The following USH2A variants were observed in gnomAD, a reference collection of about 807,000 sequenced individuals.
USH2A encodes usherin, also known as Usher syndrome 2A (autosomal recessive, mild).
Under a neutral mutation model 538.9 loss-of-function variants are expected in USH2A, and 443 were observed. The observed-to-expected ratio is 0.82, with a 90% CI of 0.76 to 0.89. The LOEUF is 0.89. USH2A is among the 40% of genes least tolerant of loss of function. The pLI, the probability that USH2A is intolerant of heterozygous loss-of-function variation, is 0.00. For synonymous variants in USH2A, 2,413 were observed against 2,273.5 expected, an observed-to-expected ratio of 1.06 and a Z score of -1.75; for missense variants, 6,633 against 6,324.8, an observed-to-expected ratio of 1.05 and a Z score of -1.65.
At position 216,198,229 on chromosome 1, in the gene USH2A, G is replaced by A. The variant is rs199809345; in HGVS notation, c.4081+86C>T. 3.8e-6 allele frequency: 6 copies of A among 1,586,472 alleles called. No homozygotes were observed. In the East Asian group the frequency reaches 6.8e-5, roughly 18 times the overall value. ...GTTTCTAATTCTTGCTTTTCAAAAT[G>A]TACTTTCACAGTACTTTGACTTTAA... On this transcript the variant is annotated intron_variant, in intron 18 of 71. Coordinates refer to ENST00000307340, the MANE Select transcript of USH2A (RefSeq NM_206933.4).
chr1:216,029,143 T>G (rs78892120), intron 32 of USH2A, among the ~76,000 whole-genome samples: 4,446 of 152,164 alleles, frequency 0.029, 205 homozygotes, highest in African/African-American at 0.1. Flanking sequence ...ATAGCCAAAA[T>G]GTACAGAAGA....
Position 216,421,914 on chromosome 1 carries a change from A to T in USH2A, c.423T>A (p.Ser141=), listed in dbSNP as rs201770382. 1.6e-5 allele frequency: 26 copies of T among 1,613,900 alleles called. No homozygotes were observed. The African/African-American group carries it at 1.9e-4, about 12-fold the overall frequency. ...NHKSCFSSPP[S]PKLMASFTLA... ...AGGTAAATGATGCCATCAGCTTTGG[A>T]GAAGGAGGAGAAGAAAAGCAGCTCT... Residue 141 remains serine, a synonymous_variant, in exon 2 of 72, where the codon TCT becomes TCA. Transcript: ENST00000307340.
chr1:215,766,918 T>C (rs931872622), intron 55 of USH2A, 130 bp from the exon 56 acceptor site: 9 of 893,590 alleles, frequency 1.0e-5, no homozygotes, highest in Admixed American at 4.0e-5. Context: ...TAAAACACTC[T>C]TTAAAGAAGG....
chr1:215,770,319 T>C lies in USH2A; in HGVS notation c.10940-3531A>G, dbSNP rs1172801768. Among the ~76,000 whole-genome samples the C allele has an allele frequency of 1.1e-4, 16 of 152,178 alleles. No homozygotes were observed. In the East Asian group the frequency reaches 3.1e-3, roughly 29 times the overall value. On this transcript the variant is annotated intron_variant, in intron 55 of 71. Coordinates refer to ENST00000307340, the MANE Select transcript of USH2A (RefSeq NM_206933.4). ...AAGATTAAGCAGCATTTAGAAGACA[T>C]AAAAATGGTAGAAACCATTGCAGCT...
intron 60 of USH2A, among the ~76,000 whole-genome samples, 158 bp downstream of exon 60, chr1:215,741,217 T>TACAA (rs763078780): frequency 5.3e-5 from 8 of 151,992 alleles, no homozygotes; most frequent in South Asian, 4.2e-4. Context: ...TGGTAGGTGC[T>TACAA]ACAAACAAAC....
At chr1:215,682,865 A>ATTT (rs1465018277) in intron 61 of USH2A, among the ~76,000 whole-genome samples, 15 of 151,320 alleles carry the variant, frequency 9.9e-5, no homozygotes, top group South Asian at 2.1e-4. Flanking sequence ...TTATTTATTT[A>ATTT]ATTTATTATT....
intron 3 of USH2A, among the ~76,000 whole-genome samples, chr1:216,387,328 A>G (rs1013882066): frequency 1.3e-5 from 2 of 152,212 alleles, no homozygotes; most frequent in African/African-American, 4.8e-5. Flanking sequence ...GGCAATAAAA[A>G]CAAACTATCA....
intron 21 of USH2A, among the ~76,000 whole-genome samples, chr1:216,120,931 T>C (rs907063807): frequency 4.1e-5 from 6 of 145,988 alleles, no homozygotes; most frequent in Non-Finnish European, 9.0e-5. Context: ...GCAAAACTTA[T>C]ATACTTTTAC....
At chr1:215,687,581 T>C (rs1470006688) in intron 61 of USH2A, among the ~76,000 whole-genome samples, 2 of 152,078 alleles carry the variant, frequency 1.3e-5, no homozygotes, top group East Asian at 1.9e-4. Context: ...AAATGCCTCA[T>C]TTTTCAAAGG....
At chr1:215,895,468 T>G (rs2102465791) in intron 40 of USH2A, among the ~76,000 whole-genome samples, 1 of 152,310 alleles carries the variant, frequency 6.6e-6, no homozygotes, top group Middle Eastern at 3.4e-3. Flanking sequence ...TAGAATTATG[T>G]CAGGCAACAA....
At position 215,846,033 on chromosome 1, in the gene USH2A, G is replaced by A; in HGVS notation, c.8846C>T (p.Thr2949Ile). ...AACTTCACCTTGTAGGTCTTGAACA[G>A]CTGTCAACAATAAATGCAGGACATG... ...TAIDVRWAKP[T>I]VQDLQGEVEY... The change falls in exon 45 of 72, where the codon ACT becomes ATT. Residue 2949 changes from threonine (T) to isoleucine (I), a missense_variant and splice_region_variant. By Grantham distance (89) the Thr-to-Ile change is moderately conservative (BLOSUM62 -1). Coordinates refer to ENST00000307340, the MANE Select transcript of USH2A (RefSeq NM_206933.4). 6 of 1,613,224 alleles carry A rather than the reference G, an allele frequency of 3.7e-6. No individual in the cohort carries two copies. Among genetic ancestry groups the A allele is most frequent in the Non-Finnish European group, 5.1e-6 (6 of 1,179,620 alleles).
chr1:216,239,487 G>A (rs944142402), intron 13 of USH2A, among the ~76,000 whole-genome samples: 3 of 152,192 alleles, frequency 2.0e-5, no homozygotes, highest in Non-Finnish European at 4.4e-5. Context: ...CAGTTGTGAA[G>A]GACAGCAATG....
chr1:215,872,433 T>C (rs1664647447), intron 43 of USH2A, among the ~76,000 whole-genome samples: 1 of 152,036 alleles, frequency 6.6e-6, no homozygotes, highest in Non-Finnish European at 1.5e-5. Flanking sequence ...AGCTGTTATG[T>C]TTCTGTTGCT....
At chr1:215,656,291 G>A (rs1178681255) in intron 64 of USH2A, among the ~76,000 whole-genome samples, 2 of 152,118 alleles carry the variant, frequency 1.3e-5, no homozygotes, top group South Asian at 4.1e-4. Context: ...GGGGGTTCCT[G>A]ATGCATTTTT....
chr1:215,837,065 C>A (rs970770631), intron 47 of USH2A, among the ~76,000 whole-genome samples: 2 of 151,976 alleles, frequency 1.3e-5, no homozygotes, highest in Non-Finnish European at 2.9e-5. Flanking sequence ...CTCAAGCAGA[C>A]AAGATATGAT....
intron 32 of USH2A, among the ~76,000 whole-genome samples, chr1:216,039,220 G>C (rs1455760968): frequency 2.0e-5 from 3 of 151,966 alleles, no homozygotes; most frequent in African/African-American, 7.2e-5. Flanking sequence ...CAAAGATCTG[G>C]TATATAGAAC....
chr1:216,274,556 C>T (rs1339011124), intron 11 of USH2A, among the ~76,000 whole-genome samples: 4 of 152,056 alleles, frequency 2.6e-5, no homozygotes, highest in African/African-American at 9.7e-5. Context: ...ATGTAACAGG[C>T]TACCTTCGTA....
chr1:216,114,104 G>C (rs2032942898), intron 21 of USH2A, among the ~76,000 whole-genome samples: 1 of 151,388 alleles, frequency 6.6e-6, no homozygotes, highest in Admixed American at 6.6e-5. Flanking sequence ...AATAGATCCT[G>C]CACATTTCTT....
chr1:216,367,761 T>A (rs1317310485), intron 3 of USH2A, among the ~76,000 whole-genome samples: 2 of 152,204 alleles, frequency 1.3e-5, no homozygotes, highest in Admixed American at 1.3e-4. Flanking sequence ...TTCTCTAAAC[T>A]ATTTTACAAT....
Sources: allele counts gnomAD v4.1 joint callset (sites outside exome capture counted in the v4.1 genomes callset), GRCh38; gene constraint gnomAD v4.1.1; transcripts MANE v1.5; gene names NCBI Gene and HGNC (gene_info 2026-07-23, HGNC 2026-07-21).